The following RAB11FIP2 variants were observed in gnomAD, a reference collection of about 807,000 sequenced individuals.
RAB11FIP2 encodes the protein rab11 family-interacting protein 2.
RAB11FIP2 carries 16 observed loss-of-function variants against 40.9 expected under a neutral mutation model. The observed-to-expected ratio is 0.39, with a 90% CI of 0.26 to 0.59. The LOEUF is 0.59. Among genes scored for constraint, RAB11FIP2 ranks in the 20% least tolerant of loss-of-function variants. RAB11FIP2 has a pLI of 0.53. For missense variants in RAB11FIP2, 532 were observed against 606.2 expected (o/e 0.88, Z 1.28); for synonymous variants, 228 against 213.7 (o/e 1.07, Z -0.58).
chr10:118,036,462 G>C (rs1393830515), intron 3 of RAB11FIP2, among the ~76,000 whole-genome samples: 1 of 152,082 alleles, frequency 6.6e-6, no homozygotes. Flanking sequence ...AGGAAAAATA[G>C]AACTATACTG....
chr10:118,036,877 A>G (rs896445094), intron 3 of RAB11FIP2, among the ~76,000 whole-genome samples: 8 of 152,168 alleles, frequency 5.3e-5, no homozygotes, highest in African/African-American at 1.4e-4. Flanking sequence ...TCAAAATGCC[A>G]CAGGCACTTT....
intron 3 of RAB11FIP2, among the ~76,000 whole-genome samples, chr10:118,019,667 C>CA (rs926127986): frequency 2.5e-4 from 37 of 150,308 alleles, no homozygotes; most frequent in African/African-American, 8.1e-4. Flanking sequence ...ACTAAAAATA[C>CA]AAAAAAAAAT....
chr10:118,038,782 T>C (rs1012686890), intron 3 of RAB11FIP2, 190 bp downstream of exon 3: 8 of 516,820 alleles, frequency 1.5e-5, no homozygotes, highest in African/African-American at 4.0e-5. Context: ...TTTATCTTCT[T>C]AAGATAAAAA....
intron 3 of RAB11FIP2, among the ~76,000 whole-genome samples, chr10:118,031,694 G>A (rs965504683): frequency 2.0e-5 from 3 of 152,070 alleles, no homozygotes; most frequent in African/African-American, 7.2e-5. Flanking sequence ...TTTGGCGTGA[G>A]ATCATCTGCT....
intron 3 of RAB11FIP2, among the ~76,000 whole-genome samples, chr10:118,015,735 T>C (rs893560386): frequency 6.6e-6 from 1 of 152,200 alleles, no homozygotes; most frequent in African/African-American, 2.4e-5. Flanking sequence ...CACAGCTGAA[T>C]GCTATAACTA....
intron 3 of RAB11FIP2, among the ~76,000 whole-genome samples, chr10:118,023,232 T>G (rs1235678134): frequency 1.3e-5 from 2 of 152,184 alleles, no homozygotes; most frequent in Non-Finnish European, 2.9e-5. Flanking sequence ...GAAGTTTTTG[T>G]TTTTTAATGT....
chr10:118,032,999 T>C (rs538772912), intron 3 of RAB11FIP2, among the ~76,000 whole-genome samples: 1 of 152,226 alleles, frequency 6.6e-6, no homozygotes, highest in South Asian at 2.1e-4. Context: ...GTTGTAATTG[T>C]TCTATTTCAT....
intron 3 of RAB11FIP2, among the ~76,000 whole-genome samples, chr10:118,035,105 A>AGGCCATGT (rs1373871564): frequency 6.6e-6 from 1 of 152,116 alleles, no homozygotes; most frequent in Non-Finnish European, 1.5e-5. Flanking sequence ...CTGATCTTGG[A>AGGCCATGT]GGCCATGTGT....
Position 118,039,191 on chromosome 10 carries a change from T to C in RAB11FIP2, c.1046A>G (p.Asn349Ser). The change falls in exon 3 of 5, where the codon AAT becomes AGT. Residue 349 changes from asparagine (N) to serine (S), a missense_variant. By Grantham distance (46) the Asn-to-Ser change is conservative. Transcript: ENST00000355624. ...AACTTTCTCCCTTTTCTCTCTTTTA[T>C]TTTCTTTTCTTATTTCAATTGGTTT... ...FSKPIEIRKE[N>S]KREKREKVSL... The C allele has an allele frequency of 6.2e-7, 1 of 1,613,710 alleles. No individual in the cohort carries two copies. Among genetic ancestry groups the C allele is most frequent in the Non-Finnish European group, 8.5e-7 (1 of 1,179,782 alleles).
At chr10:118,042,524 T>C (rs1028254115) in intron 1 of RAB11FIP2, among the ~76,000 whole-genome samples, 2 of 152,184 alleles carry the variant, frequency 1.3e-5, no homozygotes, top group African/African-American at 4.8e-5. Context: ...GTTAACCACA[T>C]GGCTGGCACA....
At chr10:118,010,335 T>C (rs2133160456) in intron 4 of RAB11FIP2, among the ~76,000 whole-genome samples, 1 of 152,248 alleles carries the variant, frequency 6.6e-6, no homozygotes, top group East Asian at 1.9e-4. Flanking sequence ...TTAACTAAAA[T>C]ATTGAGGAAA....
rs960335085 is a variant in RAB11FIP2 at position 118,007,356 on chromosome 10, A to G, written c.*1642T>C. 6.6e-6 allele frequency: 1 copy of G among 151,886 alleles called. No homozygotes were observed. Among genetic ancestry groups the G allele is most frequent in the African/African-American group, 2.4e-5 (1 of 41,428 alleles). The allele number at this position is 151,886 out of a possible 1,614,324, so 9.4% of individuals were successfully genotyped here. The stretch of plus-strand genomic sequence containing the variant: ...TCAAAATGTATGTTCTTACAGTAAA[A>G]CTGAAATGCAGAAGATACAAATAAC... On this transcript the variant is annotated 3_prime_UTR_variant, in exon 5 of 5. Transcript: ENST00000355624.
chr10:118,009,277 C>A, intron 4 of RAB11FIP2, 52 bp from the exon 5 acceptor site: 1 of 1,474,608 alleles, frequency 6.8e-7, no homozygotes, highest in Non-Finnish European at 9.3e-7. Context: ...CTGGGACAAA[C>A]ATTAAGAATT....
At chr10:118,023,946 C>G (rs903901217) in intron 3 of RAB11FIP2, among the ~76,000 whole-genome samples, 3 of 151,856 alleles carry the variant, frequency 2.0e-5, no homozygotes, top group African/African-American at 7.3e-5. Context: ...AAAACTTAGC[C>G]GGATGTGGTG....
Position 118,039,247 on chromosome 10 carries a change from T to C in RAB11FIP2, c.990A>G (p.Glu330=). The C allele has an allele frequency of 6.2e-7, 1 of 1,613,808 alleles. No homozygotes were observed. Among genetic ancestry groups the C allele is most frequent in the Non-Finnish European group, 8.5e-7 (1 of 1,179,774 alleles). Residue 330 remains glutamate (E), a synonymous_variant, in exon 3 of 5, where the codon GAA becomes GAG. Transcript: ENST00000355624. ...ATAAATTCATGCTGCTGTCCCATGT[T>C]TCGCTGCTTTCTTCAAATGGATTTT... ...RKKNPFEESS[E]TWDSSMNLFS...
At position 118,045,987 on chromosome 10, in the gene RAB11FIP2, A is replaced by T. The variant is rs1426272441; in HGVS notation, c.177T>A (p.Val59=). The T allele has an allele frequency of 6.2e-7, 1 of 1,614,200 alleles. No individual in the cohort carries two copies. Among genetic ancestry groups the T allele is most frequent in the Non-Finnish European group, 8.5e-7 (1 of 1,180,034 alleles). The change falls in exon 1 of 5, where the codon GTT becomes GTA. Residue 59 remains valine (V), a synonymous_variant. Coordinates refer to ENST00000355624, the MANE Select transcript of RAB11FIP2 (RefSeq NM_014904.3). ...TSVAEKTLEP[V]WKEEASFELP... ...GCTCGAAAGAGGCCTCCTCCTTCCA[A>T]ACTGGCTCAAGGGTTTTCTCAGCTA...
intron 3 of RAB11FIP2, among the ~76,000 whole-genome samples, chr10:118,016,557 T>C (rs1022185077): frequency 3.9e-5 from 6 of 152,194 alleles, no homozygotes; most frequent in African/African-American, 1.4e-4. Context: ...CGATCCAAGG[T>C]AGCCAACAGG....
At chr10:118,022,516 G>A (rs1044893395) in intron 3 of RAB11FIP2, among the ~76,000 whole-genome samples, 1 of 152,058 alleles carries the variant, frequency 6.6e-6, no homozygotes, top group Admixed American at 6.5e-5. Flanking sequence ...ATCCCCTAAT[G>A]CCAAGGAACA....
intron 3 of RAB11FIP2, among the ~76,000 whole-genome samples, chr10:118,033,168 G>A (rs1028888448): frequency 1.3e-5 from 2 of 152,028 alleles, no homozygotes; most frequent in African/African-American, 4.8e-5. Context: ...AGAGTAGGAG[G>A]ACCACTGTAG....
Sources: allele counts gnomAD v4.1 joint callset (sites outside exome capture counted in the v4.1 genomes callset), GRCh38; gene constraint gnomAD v4.1.1; transcripts MANE v1.5; gene names NCBI Gene and HGNC (gene_info 2026-07-23, HGNC 2026-07-21).